Variants in NFIB observed in about 807,000 individuals in gnomAD.
The protein encoded by NFIB is nuclear factor 1 B-type.
NFIB carries 11 observed loss-of-function variants against 61.5 expected under a neutral mutation model. That is an observed-to-expected ratio of 0.18 (90% CI 0.11 to 0.30). NFIB has a LOEUF of 0.30. Ranked by LOEUF, NFIB falls within the 10% of genes least tolerant of loss-of-function variation. The pLI, the probability that NFIB is intolerant of heterozygous loss-of-function variation, is 1.00. For missense variants in NFIB, 471 were observed against 608.9 expected (o/e 0.77, Z 2.38); for synonymous variants, 260 against 216.5 (o/e 1.20, Z -1.76).
chr9:14,186,377 A>AT (rs34691159), intron 2 of NFIB, among the ~76,000 whole-genome samples: 7 of 152,086 alleles, frequency 4.6e-5, no homozygotes, highest in South Asian at 4.2e-4. Context: ...ATACCATGAG[A>AT]TTTTTTTTAA....
At chr9:14,398,287 A>T (rs10810138) in intron 1 of NFIB, among the ~76,000 whole-genome samples, 16,234 of 152,232 alleles carry the variant, frequency 0.11, 870 homozygotes, top group Non-Finnish European at 0.12. Flanking sequence ...TCCCCGAAAC[A>T]TCTACAATTT....
chr9:14,505,710 A>G, the NFIB span, among the ~76,000 whole-genome samples: 1 of 152,020 alleles, frequency 6.6e-6, no homozygotes, highest in Non-Finnish European at 1.5e-5. Flanking sequence ...GGGGAGGGGG[A>G]ACAGAGAGCA....
At chr9:14,102,318 TA>T in intron 10 of NFIB, 1 of 1,014,584 alleles carries the variant, frequency 9.9e-7, no homozygotes. Context: ...CCAAAACAAC[TA>T]AATTTTTAAC....
At chr9:14,493,348 T>C in the NFIB span, among the ~76,000 whole-genome samples, 1 of 152,134 alleles carries the variant, frequency 6.6e-6, no homozygotes, top group African/African-American at 2.4e-5. Flanking sequence ...TAAGCACTGG[T>C]AATTGAGGCA....
intron 2 of NFIB, among the ~76,000 whole-genome samples, chr9:14,223,747 C>A (rs1473479940): frequency 6.6e-6 from 1 of 152,152 alleles, no homozygotes; most frequent in African/African-American, 2.4e-5. Context: ...ATCTTATCAG[C>A]TCTAGCTCAA....
intron 2 of NFIB, among the ~76,000 whole-genome samples, chr9:14,275,350 C>T (rs2057924370): frequency 1.3e-5 from 2 of 152,164 alleles, no homozygotes; most frequent in South Asian, 4.1e-4. Context: ...AATCGTTGAA[C>T]ACACTTGAAT....
intron 2 of NFIB, among the ~76,000 whole-genome samples, chr9:14,185,074 A>C (rs2047195652): frequency 1.3e-5 from 1 of 77,270 alleles, no homozygotes. Flanking sequence ...ATGACCTTTA[A>C]ATATTGTTTT....
At chr9:14,265,411 T>C (rs913795966) in intron 2 of NFIB, among the ~76,000 whole-genome samples, 5 of 152,214 alleles carry the variant, frequency 3.3e-5, no homozygotes, top group Admixed American at 2.6e-4. Context: ...ACAGAACTAG[T>C]GTCCTTATCA....
At chr9:14,476,648 T>C in the NFIB span, among the ~76,000 whole-genome samples, 389 of 152,252 alleles carry the variant, frequency 2.6e-3, 1 homozygote, top group African/African-American at 8.8e-3. Flanking sequence ...ATATTAACAT[T>C]ACAAGGGAAT....
rs60077064 is a variant in NFIB, at chr9:14,159,051, T to C, written c.617-3158A>G. The stretch of plus-strand genomic sequence containing the variant: ...AATGAGAAGTCAGAGATCCATCTGC[T>C]CCTAAGTCATGACCATTAAGATGGA... On this transcript the variant is annotated intron_variant, in intron 3 of 10. Transcript: ENST00000380953. Among the ~76,000 whole-genome samples the C allele has an allele frequency of 3.4e-3, 512 of 152,288 alleles. 4 individuals are homozygous for C. The highest frequency in any genetic ancestry group is 0.012 in the African/African-American group (483 of 41,556).
intron 1 of NFIB, among the ~76,000 whole-genome samples, chr9:14,338,381 G>A (rs1355045509): frequency 2.9e-5 from 4 of 139,558 alleles, no homozygotes; most frequent in Non-Finnish European, 6.2e-5. Context: ...GTGACAGAGC[G>A]AGACTCTGTC....
intron 6 of NFIB, 42 bp downstream of exon 6, chr9:14,146,647 C>A: frequency 6.2e-7 from 1 of 1,612,188 alleles, no homozygotes; most frequent in Non-Finnish European, 8.5e-7. Flanking sequence ...AACGAGCCAA[C>A]ATTTTACTCA....
At chr9:14,346,643 G>T (rs907262790) in intron 1 of NFIB, among the ~76,000 whole-genome samples, 1 of 152,080 alleles carries the variant, frequency 6.6e-6, no homozygotes, top group South Asian at 2.1e-4. Context: ...GAAGCCCCGG[G>T]GTAGTAAATT....
intron 2 of NFIB, among the ~76,000 whole-genome samples, chr9:14,257,398 T>C (rs1205180008): frequency 6.6e-6 from 1 of 152,114 alleles, no homozygotes; most frequent in African/African-American, 2.4e-5. Context: ...AACCCAGCAT[T>C]CCCAATGCCT....
the NFIB span, among the ~76,000 whole-genome samples, chr9:14,515,724 A>T: frequency 6.6e-6 from 1 of 152,206 alleles, no homozygotes; most frequent in African/African-American, 2.4e-5. Context: ...CCTCGGGGCC[A>T]TGCGAAAATG....
At chr9:14,149,616 A>G (rs1189531441) in intron 5 of NFIB, among the ~76,000 whole-genome samples, 4 of 152,206 alleles carry the variant, frequency 2.6e-5, no homozygotes, top group African/African-American at 9.6e-5. Flanking sequence ...ATCTCAGGGA[A>G]GGTAGTATTT....
intron 1 of NFIB, chr9:14,361,937 G>A (rs1311533473): frequency 2.6e-5 from 4 of 152,172 alleles, no homozygotes; most frequent in Non-Finnish European, 5.9e-5. Flanking sequence ...GAGAAGCCCA[G>A]CAAGTTTGCT....
chr9:14,321,550 T>G (rs1278997267), intron 1 of NFIB, among the ~76,000 whole-genome samples: 1 of 152,140 alleles, frequency 6.6e-6, no homozygotes, highest in Non-Finnish European at 1.5e-5. Flanking sequence ...GAGGAGAGAA[T>G]GGCCTACAAG....
chr9:14,415,149 C>T, the NFIB span, among the ~76,000 whole-genome samples: 2 of 152,180 alleles, frequency 1.3e-5, no homozygotes, highest in South Asian at 4.1e-4. Flanking sequence ...CACTCAGGTT[C>T]TTAATAGAAT....
Sources: gnomAD v4.1 joint callset for allele counts (sites outside exome capture counted in the v4.1 genomes callset) on GRCh38, gnomAD v4.1.1 for gene constraint, MANE v1.5 for transcripts, NCBI Gene and HGNC (gene_info 2026-07-23, HGNC 2026-07-21) for gene names.